Variants in PPCS observed in about 807,000 individuals in gnomAD.
PPCS encodes phosphopantothenoylcysteine synthetase, also known as phosphopantothenate--cysteine ligase.
A neutral mutation model predicts 24.6 loss-of-function variants in PPCS; 17 were observed. The observed-to-expected ratio is 0.69, with a 90% CI of 0.47 to 1.04. PPCS has a LOEUF of 1.04. PPCS is among the 50% of genes least tolerant of loss of function. The probability of loss-of-function intolerance (pLI) is 0.00; values close to 1 mark genes in which losing one functional copy is unlikely to be tolerated. For missense variants in PPCS, 360 were observed against 402.8 expected (o/e 0.89, Z 0.91); for synonymous variants, 190 against 168.3 (o/e 1.13, Z -1.00).
At chr1:42,457,395 T>C in intron 2 of PPCS, 45 bp downstream of exon 2, 1 of 1,538,060 alleles carries the variant, frequency 6.5e-7, no homozygotes, top group South Asian at 1.1e-5. Flanking sequence ...ATATAACCAA[T>C]CTTGGGTTAA....
chr1:42,456,479 A>G (rs1569590229), upstream of PPCS: 4 of 1,367,468 alleles, frequency 2.9e-6, no homozygotes, highest in Admixed American at 3.1e-5. Context: ...CCCACTCAGT[A>G]CGGCGCGGCG....
intron 2 of PPCS, among the ~76,000 whole-genome samples, chr1:42,468,917 G>A (rs374046176): frequency 5.3e-5 from 8 of 152,154 alleles, no homozygotes; most frequent in African/African-American, 1.9e-4. Flanking sequence ...GGAAATGGCA[G>A]CATTTGAAGG....
At chr1:42,459,154 G>A (rs955059737) in intron 2 of PPCS, 2 of 145,824 alleles carry the variant, frequency 1.4e-5, no homozygotes, top group African/African-American at 5.4e-5. Flanking sequence ...CAGAGCCAAG[G>A]CTTTTTTTTT....
chr1:42,458,424 T>C (rs932237631), intron 2 of PPCS, among the ~76,000 whole-genome samples: 3 of 152,310 alleles, frequency 2.0e-5, no homozygotes, highest in South Asian at 2.1e-4. Flanking sequence ...GAAACTCTTA[T>C]CTGTGGGGCA....
chr1:42,465,358 T>TTTTTG (rs201302325), downstream of PPCS, among the ~76,000 whole-genome samples: 310 of 150,498 alleles, frequency 2.1e-3, no homozygotes, highest in African/African-American at 6.9e-3. Flanking sequence ...TTTGTTTTTG[T>TTTTTG]TTTTGTTTTG....
Position 42,456,953 on chromosome 1 carries a change from G to A in PPCS, c.388G>A (p.Glu130Lys). 1 of 1,605,232 alleles carries A rather than the reference G, an allele frequency of 6.2e-7. No homozygotes were observed. Among genetic ancestry groups the A allele is most frequent in the South Asian group, 1.1e-5 (1 of 91,090 alleles). ...AEENALPGFA[E>K]ALRSYQEAAA... ...GGAGAATGCACTTCCGGGTTTTGCT[G>A]AGGCTCTGAGGAGCTACCAGGAGGC... The change falls in exon 1 of 3, where the codon GAG (glutamate) becomes AAG (lysine). Residue 130 changes from glutamate to lysine, a missense_variant. This residue lies in a region of PPCS where 244 missense variants were observed against 234.7 expected (regional missense o/e 1.04). Coordinates refer to ENST00000372561, the MANE Select transcript of PPCS (RefSeq NM_024664.4).
In PPCS at chr1:42,460,265, C is replaced by A; in HGVS notation, c.*339C>A. On this transcript the variant is annotated 3_prime_UTR_variant, in exon 3 of 3. Coordinates refer to ENST00000372561, the MANE Select transcript of PPCS (RefSeq NM_024664.4). ...GCATGAATGGTCATGCTTTGGAGATCAAATATTGGTTGAATGCCTATGTAT... is the reference window on the plus strand; with the variant it reads ...GCATGAATGGTCATGCTTTGGAGATAAAATATTGGTTGAATGCCTATGTAT... The A allele has an allele frequency of 9.8e-7, 1 of 1,021,312 alleles. No individual in the cohort carries two copies. The highest frequency in any genetic ancestry group is 4.1e-5 in the South Asian group (1 of 24,352). 63.3% of individuals were successfully genotyped at this position (1,021,312 alleles called of 1,614,324 possible). A position where few individuals can be genotyped will look rare whatever the true frequency, so the allele number is the denominator to read the frequency against.
rs906205725 is a variant in PPCS at position 42,457,680 on chromosome 1, C to T, written c.612+330C>T. ...TTTAAAAGATGAGCAGAACCGAGCGCGGTGGCTCACGCCTGTAATCCCAGC... is the reference window on the plus strand; with the variant it reads ...TTTAAAAGATGAGCAGAACCGAGCGTGGTGGCTCACGCCTGTAATCCCAGC... On this transcript the variant is annotated intron_variant, in intron 2 of 2. Coordinates refer to ENST00000372561, the MANE Select transcript of PPCS (RefSeq NM_024664.4). The T allele has an allele frequency of 1.3e-4, 33 of 256,632 alleles. 1 individual carries two copies. In the South Asian group the frequency reaches 1.4e-3, roughly 11 times the overall value. The allele number at this position is 256,632 out of a possible 1,614,324, so 15.9% of individuals were successfully genotyped here.
intron 2 of PPCS, among the ~76,000 whole-genome samples, chr1:42,471,511 C>G (rs1250506656): frequency 6.6e-6 from 1 of 152,102 alleles, no homozygotes; most frequent in Non-Finnish European, 1.5e-5. Flanking sequence ...TTAGCATTAT[C>G]ACATATTTCT....
rs549948717 is a variant in PPCS, at chr1:42,456,603, C to T, written c.38C>T (p.Pro13Leu). Residue 13 changes from proline (P) to leucine (L), a missense_variant, in exon 1 of 3, where the codon CCT becomes CTT. Pro to Leu is a moderately conservative substitution (Grantham distance 98). Around this residue, in one of 2 missense-constraint regions of PPCS, gnomAD observed 244 missense variants for 234.7 expected, o/e 1.04. Coordinates refer to ENST00000372561, the MANE Select transcript of PPCS (RefSeq NM_024664.4). Reference sequence around the variant, plus strand: ...GATCCGGTAGCCGAGTTCCCCCAGCCTCCCGGTGCTGCGCGCTGGGCTGAG... The same window carrying T: ...GATCCGGTAGCCGAGTTCCCCCAGCTTCCCGGTGCTGCGCGCTGGGCTGAG... ...EMDPVAEFPQ[P>L]PGAARWAEVM... 2.6e-6 allele frequency: 4 copies of T among 1,517,852 alleles called. No homozygotes were observed. Among genetic ancestry groups the T allele is most frequent in the African/African-American group, 1.4e-5 (1 of 71,542 alleles). 94.0% of individuals were successfully genotyped at this position (1,517,852 alleles called of 1,614,324 possible). A position where few individuals can be genotyped will look rare whatever the true frequency, so the allele number is the denominator to read the frequency against.
chr1:42,456,624 C>G lies in PPCS; in HGVS notation c.59C>G (p.Ala20Gly). Reference protein sequence around the residue: ...FPQPPGAARWAEVMARFAARL... With the variant: ...FPQPPGAARWGEVMARFAARL... ...CAGCCTCCCGGTGCTGCGCGCTGGGCTGAGGTTATGGCTCGCTTCGCGGCC... is the reference window on the plus strand; with the variant it reads ...CAGCCTCCCGGTGCTGCGCGCTGGGGTGAGGTTATGGCTCGCTTCGCGGCC... The change falls in exon 1 of 3, where the codon GCT becomes GGT. Residue 20 changes from alanine (A) to glycine (G), a missense_variant. Physicochemically the swap from Ala to Gly is moderately conservative, Grantham distance 60. This residue lies in a region of PPCS where 244 missense variants were observed against 234.7 expected (regional missense o/e 1.04). Transcript: ENST00000372561. 1 of 1,577,446 alleles carries G rather than the reference C, an allele frequency of 6.3e-7. No individual in the cohort carries two copies. Among genetic ancestry groups the G allele is most frequent in the Non-Finnish European group, 8.6e-7 (1 of 1,163,956 alleles).
At position 42,459,722 on chromosome 1, in the gene PPCS, G is replaced by A; in HGVS notation, c.732G>A (p.Arg244=). The change falls in exon 3 of 3, where the codon CGG becomes CGA. Residue 244 remains arginine, a synonymous_variant. Coordinates refer to ENST00000372561, the MANE Select transcript of PPCS (RefSeq NM_024664.4). The part of the protein sequence containing the change: ...TDPAIVINRA[R]KALEIYQHQV... ...CCGCCATTGTAATTAATCGAGCTCGGAAGGCTTTGGAAATTTATCAGCATC... is the reference window on the plus strand; with the variant it reads ...CCGCCATTGTAATTAATCGAGCTCGAAAGGCTTTGGAAATTTATCAGCATC... The A allele has an allele frequency of 6.2e-7, 1 of 1,614,148 alleles. No individual in the cohort carries two copies. The highest frequency in any genetic ancestry group is 8.5e-7 in the Non-Finnish European group (1 of 1,180,040).
At position 42,456,564 on chromosome 1, in the gene PPCS, A is replaced by G; in HGVS notation, c.-2A>G. ...GCGCAGGCGCCGGCCGCTGCGCTGC[A>G]GATGGCGGAAATGGATCCGGTAGCC... On this transcript the variant is annotated 5_prime_UTR_variant, in exon 1 of 3. Transcript: ENST00000372561. The G allele has an allele frequency of 2.7e-6, 4 of 1,473,776 alleles. No homozygotes were observed. Among genetic ancestry groups the G allele is most frequent in the Non-Finnish European group, 3.6e-6 (4 of 1,114,812 alleles). 91.3% of individuals were successfully genotyped at this position (1,473,776 alleles called of 1,614,324 possible).
At chr1:42,457,981 C>G (rs1451335278) in intron 2 of PPCS, among the ~76,000 whole-genome samples, 2 of 145,342 alleles carry the variant, frequency 1.4e-5, no homozygotes, top group Admixed American at 1.4e-4. Context: ...CACCAAAAAT[C>G]AAAACAAAAT....
chr1:42,459,935 GC>G lies in PPCS; in HGVS notation c.*12del, dbSNP rs779561295. The stretch of plus-strand genomic sequence containing the variant: ...TAGGTGACAGAAACTGAAGTAAAAA[GC>G]CCTTATAGGATCAAAAATTGTTCAG... On this transcript the variant is annotated 3_prime_UTR_variant, in exon 3 of 3. Coordinates refer to ENST00000372561, the MANE Select transcript of PPCS (RefSeq NM_024664.4). The G allele has an allele frequency of 3.2e-6, 5 of 1,578,754 alleles. No individual in the cohort carries two copies. The highest frequency in any genetic ancestry group is 2.3e-5 in the South Asian group (2 of 86,080).
In PPCS at chr1:42,461,175, A is replaced by C. The variant is rs1308910930; in HGVS notation, c.*1249A>C. ...GGTGTTTCATGGAGTAGGGAAGGGT[A>C]GCCCCTGTGTCTGTCTGATAATAGA... On this transcript the variant is annotated 3_prime_UTR_variant, in exon 3 of 3. Transcript: ENST00000372561. Among the ~76,000 whole-genome samples the C allele has an allele frequency of 6.6e-6, 1 of 152,236 alleles. No individual in the cohort carries two copies. The highest frequency in any genetic ancestry group is 1.5e-5 in the Non-Finnish European group (1 of 68,038).
chr1:42,457,247 GC>G lies in PPCS; in HGVS notation c.512del (p.Pro171LeufsTer35), dbSNP rs754410913. 6.2e-7 allele frequency: 1 copy of G among 1,614,008 alleles called. No individual in the cohort carries two copies. On this transcript the variant is annotated frameshift_variant and splice_region_variant, in exon 2 of 3. Transcript: ENST00000372561. LOFTEE classifies it high-confidence loss of function. ...TAACACCTTGTGTTTCTCTTTGCAG[GC>G]CCTTCTGCGATGTTTTACCTGGCTG... is the stretch of plus-strand genomic sequence containing the variant. The part of the protein sequence containing the change: ...QAAAQALNPL[G>X]PSAMFYLAAA...
chr1:42,470,122 G>A (rs1643719642), intron 2 of PPCS, among the ~76,000 whole-genome samples: 1 of 152,158 alleles, frequency 6.6e-6, no homozygotes, highest in African/African-American at 2.4e-5. Flanking sequence ...GTTGGTGAAG[G>A]ATTGAAATGA....
At chr1:42,473,375 T>C (rs1013532681) in exon 3 of PPCS, 1 of 873,706 alleles carries the variant, frequency 1.1e-6, no homozygotes, top group Non-Finnish European at 1.5e-6. Context: ...AATTGACATA[T>C]TAAAAACTAA....
Sources: gnomAD v4.1 joint callset for allele counts (sites outside exome capture counted in the v4.1 genomes callset) on GRCh38, gnomAD v4.1.1 for gene constraint, gnomAD v4.1.1 regional missense constraint, MANE v1.5 for transcripts, NCBI Gene and HGNC (gene_info 2026-07-23, HGNC 2026-07-21) for gene names.